The following DOCK3 variants were observed in gnomAD, a reference collection of about 807,000 sequenced individuals.
The protein encoded by DOCK3 is dedicator of cytokinesis 3.
A neutral mutation model predicts 265.6 loss-of-function variants in DOCK3; 60 were observed. The observed-to-expected ratio is 0.23, with a 90% CI of 0.18 to 0.28. The LOEUF (loss-of-function observed/expected upper bound fraction) is 0.28. DOCK3 is among the 10% of genes least tolerant of loss of function. DOCK3 has a pLI of 1.00. For synonymous variants in DOCK3, 881 were observed against 938.0 expected, an observed-to-expected ratio of 0.94 and a Z score of 1.11; for missense variants, 1,981 against 2,594.3, an observed-to-expected ratio of 0.76 and a Z score of 5.14.
At chr3:50,679,858 T>A (rs2034263698) in intron 1 of DOCK3, among the ~76,000 whole-genome samples, 1 of 152,230 alleles carries the variant, frequency 6.6e-6, no homozygotes, top group Non-Finnish European at 1.5e-5. Flanking sequence ...ATGTGCTTGA[T>A]GTCTTGTTTA....
intron 12 of DOCK3, among the ~76,000 whole-genome samples, chr3:51,193,838 GT>G (rs1198108310): frequency 1.5e-5 from 2 of 131,498 alleles, no homozygotes; most frequent in African/African-American, 5.7e-5. Flanking sequence ...CTAGCTAGCA[GT>G]TTATCAGTTT....
At position 50,803,613 on chromosome 3, in the gene DOCK3, C is replaced by T. The variant is rs372412760; in HGVS notation, c.121+24855C>T. 3.5e-3 allele frequency among the ~76,000 whole-genome samples: 435 copies of T among 125,510 alleles called. 2 individuals are homozygous for T. Among genetic ancestry groups the T allele is most frequent in the East Asian group, 9.1e-3 (42 of 4,636 alleles). The allele number at this position is 125,510 out of a possible 152,430, so 82.3% of individuals were successfully genotyped here. A position where few individuals can be genotyped will look rare whatever the true frequency, so the allele number is the denominator to read the frequency against. ...TACACCTCCCAGACGGGGTGGCGGC[C>T]GGGCAGAGGGGCCCCCCACCTCCCA... On this transcript the variant is annotated intron_variant, in intron 2 of 52. Coordinates refer to ENST00000266037, the MANE Select transcript of DOCK3 (RefSeq NM_004947.5).
At chr3:51,167,204 T>C (rs1560152583) in intron 12 of DOCK3, among the ~76,000 whole-genome samples, 1 of 152,232 alleles carries the variant, frequency 6.6e-6, no homozygotes, top group Non-Finnish European at 1.5e-5. Context: ...CATCACTTAT[T>C]GAAAACTGTC....
Position 51,358,076 on chromosome 3 carries a change from A to G in DOCK3, c.4883A>G (p.His1628Arg), listed in dbSNP as rs757246535. The G allele has an allele frequency of 6.2e-7, 1 of 1,613,540 alleles. No homozygotes were observed. The highest frequency in any genetic ancestry group is 8.5e-7 in the Non-Finnish European group (1 of 1,179,750). Reference protein sequence around the residue: ...QFQMMRASLYHEFPGLDKLSP... With the variant: ...QFQMMRASLYREFPGLDKLSP... ...CAGATGATGCGGGCCAGTCTCTACC[A>G]TGTAAGTTGATCCCTGTCCTGCCCC... Residue 1628 changes from histidine to arginine, a missense_variant and splice_region_variant, in exon 46 of 53, where the codon CAT becomes CGT. His to Arg is a conservative substitution (Grantham distance 29, BLOSUM62 0). Coordinates refer to ENST00000266037, the MANE Select transcript of DOCK3 (RefSeq NM_004947.5).
chr3:50,692,051 A>G (rs979267182), intron 1 of DOCK3, among the ~76,000 whole-genome samples: 1 of 151,716 alleles, frequency 6.6e-6, no homozygotes, highest in African/African-American at 2.4e-5. Flanking sequence ...GGTAGCTGGG[A>G]CTACAGCTGT....
At chr3:51,236,612 A>G (rs180853350) in intron 20 of DOCK3, among the ~76,000 whole-genome samples, 184 bp downstream of exon 20, 8 of 152,340 alleles carry the variant, frequency 5.3e-5, no homozygotes, top group Admixed American at 3.9e-4. Context: ...AACTTGAAGA[A>G]TCCAACACAA....
intron 9 of DOCK3, among the ~76,000 whole-genome samples, chr3:51,113,976 G>A (rs1368198392): frequency 6.6e-6 from 1 of 152,100 alleles, no homozygotes; most frequent in Non-Finnish European, 1.5e-5. Context: ...AGGCATGGTG[G>A]CACATGCTTG....
At chr3:51,155,280 G>T (rs2085794992) in intron 10 of DOCK3, among the ~76,000 whole-genome samples, 1 of 152,032 alleles carries the variant, frequency 6.6e-6, no homozygotes, top group African/African-American at 2.4e-5. Context: ...GCCCAGCCCT[G>T]CCCTGGATTT....
chr3:50,888,041 A>G (rs2048430808), intron 3 of DOCK3, among the ~76,000 whole-genome samples: 1 of 152,190 alleles, frequency 6.6e-6, no homozygotes, highest in Non-Finnish European at 1.5e-5. Flanking sequence ...AATAAAGGAT[A>G]TTCAATTAGG....
chr3:51,137,481 G>C (rs923046853), intron 9 of DOCK3, among the ~76,000 whole-genome samples: 1 of 152,256 alleles, frequency 6.6e-6, no homozygotes, highest in African/African-American at 2.4e-5. Context: ...TAAGAAACTC[G>C]TCTCTGCCTT....
In DOCK3 at chr3:51,174,685, A is replaced by G. The variant is rs570275285; in HGVS notation, c.1037+13983A>G. The stretch of plus-strand genomic sequence containing the variant: ...TTGCTTTTGGTGGTGTCATGTTTGC[A>G]TGATTCTTCATGATCCAGGTCGCTT... On this transcript the variant is annotated intron_variant, in intron 12 of 52. Transcript: ENST00000266037. Among the ~76,000 whole-genome samples the G allele has an allele frequency of 5.9e-5, 9 of 152,278 alleles. No homozygotes were observed. In the South Asian group the frequency reaches 1.0e-3, roughly 18 times the overall value.
chr3:51,178,915 T>A (rs1325810574), intron 12 of DOCK3, among the ~76,000 whole-genome samples: 1 of 152,200 alleles, frequency 6.6e-6, no homozygotes, highest in Non-Finnish European at 1.5e-5. Context: ...TGTTATTTTC[T>A]CTCTTTTACA....
intron 2 of DOCK3, among the ~76,000 whole-genome samples, chr3:50,823,786 G>C (rs1391234907): frequency 6.6e-6 from 1 of 152,148 alleles, no homozygotes; most frequent in Non-Finnish European, 1.5e-5. Context: ...CGGCTGGCCG[G>C]GCCGGGGGGC....
chr3:51,195,747 C>T (rs1426476397), intron 12 of DOCK3, among the ~76,000 whole-genome samples: 1 of 151,860 alleles, frequency 6.6e-6, no homozygotes, highest in African/African-American at 2.4e-5. Context: ...TGGTAAATGT[C>T]ATCCTTTCAC....
chr3:50,725,174 TAAC>T (rs1369932260), intron 1 of DOCK3, among the ~76,000 whole-genome samples: 1 of 152,080 alleles, frequency 6.6e-6, no homozygotes, highest in South Asian at 2.1e-4. Context: ...GAATGAATAA[TAAC>T]AACATCTTAT....
chr3:51,111,053 A>G (rs2083494196), intron 9 of DOCK3, among the ~76,000 whole-genome samples: 1 of 152,220 alleles, frequency 6.6e-6, no homozygotes, highest in Non-Finnish European at 1.5e-5. Flanking sequence ...GCTGAGAGCC[A>G]AATCAGGAAG....
chr3:50,992,750 A>G (rs2078153337), intron 5 of DOCK3, among the ~76,000 whole-genome samples: 1 of 152,240 alleles, frequency 6.6e-6, no homozygotes, highest in Non-Finnish European at 1.5e-5. Context: ...AAAAGCTACT[A>G]CAAACACTTC....
intron 52 of DOCK3, among the ~76,000 whole-genome samples, chr3:51,380,812 A>G (rs1392258005): frequency 1.3e-5 from 2 of 152,170 alleles, no homozygotes; most frequent in African/African-American, 2.4e-5. Flanking sequence ...ACCAGGGGGC[A>G]CCAATGCCCA....
intron 1 of DOCK3, among the ~76,000 whole-genome samples, chr3:50,750,361 T>C (rs1391747699): frequency 1.4e-5 from 2 of 145,082 alleles, no homozygotes; most frequent in Non-Finnish European, 1.5e-5. Flanking sequence ...AGAGTCTCAT[T>C]CTGTCATTCT....
Sources: gnomAD v4.1 joint callset for allele counts (sites outside exome capture counted in the v4.1 genomes callset) on GRCh38, gnomAD v4.1.1 for gene constraint, MANE v1.5 for transcripts, NCBI Gene and HGNC (gene_info 2026-07-23, HGNC 2026-07-21) for gene names.